The following RAB18 variants were observed in gnomAD, a reference collection of about 807,000 sequenced individuals.
RAB18 encodes ras-related protein Rab-18.
RAB18 carries 10 observed loss-of-function variants against 28.5 expected under a neutral mutation model. The ratio of observed to expected loss-of-function variants is 0.35; its 90% confidence interval spans 0.22 to 0.60. RAB18 has a LOEUF of 0.60. RAB18 is among the 20% of genes least tolerant of loss of function. RAB18 has a pLI of 0.78. For missense variants in RAB18, 188 were observed against 244.2 expected (o/e 0.77, Z 1.53); for synonymous variants, 93 against 86.9 (o/e 1.07, Z -0.39).
At chr10:27,537,817 A>T in intron 6 of RAB18, 59 bp from the exon 7 acceptor site, 1 of 1,459,324 alleles carries the variant, frequency 6.9e-7, no homozygotes, top group Admixed American at 1.7e-5. Flanking sequence ...TCCCAGAAAA[A>T]CATGAGAATA....
chr10:27,506,947 A>C (rs749559360), intron 1 of RAB18, among the ~76,000 whole-genome samples: 2 of 152,208 alleles, frequency 1.3e-5, no homozygotes, highest in Non-Finnish European at 2.9e-5. Context: ...AAAGGATTAC[A>C]TATAGTGAGA....
intron 2 of RAB18, among the ~76,000 whole-genome samples, chr10:27,524,456 A>T (rs545324467): frequency 6.6e-6 from 1 of 152,238 alleles, no homozygotes; most frequent in Admixed American, 6.5e-5. Flanking sequence ...GGCCTTTTTC[A>T]TGAAGGTTAT....
intron 1 of RAB18, among the ~76,000 whole-genome samples, chr10:27,505,685 G>T (rs774683413): frequency 1.6e-4 from 25 of 152,072 alleles, no homozygotes; most frequent in Non-Finnish European, 3.4e-4. Flanking sequence ...TCAGCCTCCC[G>T]AGTAGCTGGG....
At chr10:27,514,071 C>T (rs950552818) in intron 2 of RAB18, 9 of 152,168 alleles carry the variant, frequency 5.9e-5, no homozygotes, top group South Asian at 2.1e-4. Flanking sequence ...CTCTGAATCA[C>T]GAAAAAGTTG....
At chr10:27,505,420 A>G (rs996167086) in intron 1 of RAB18, among the ~76,000 whole-genome samples, 1 of 152,226 alleles carries the variant, frequency 6.6e-6, no homozygotes, top group Non-Finnish European at 1.5e-5. Context: ...TATTTCATAA[A>G]TTGAAATAGC....
intron 2 of RAB18, among the ~76,000 whole-genome samples, chr10:27,519,977 G>A (rs1409207632): frequency 6.6e-6 from 1 of 152,142 alleles, no homozygotes. Context: ...TTCCTAGTTT[G>A]TTGAGTGTTT....
chr10:27,510,313 C>T (rs571672339), intron 2 of RAB18: 4 of 275,574 alleles, frequency 1.5e-5, no homozygotes, highest in African/African-American at 6.7e-5. Flanking sequence ...AACTTGGTCT[C>T]TGTCATCGTG....
intron 2 of RAB18, among the ~76,000 whole-genome samples, chr10:27,522,170 ATC>A (rs1287615633): frequency 6.6e-6 from 1 of 152,154 alleles, no homozygotes; most frequent in East Asian, 1.9e-4. Flanking sequence ...AATAAATAGA[ATC>A]TCTGATGGTT....
Position 27,541,294 on chromosome 10 carries a change from A to G in RAB18, c.*3243A>G. The G allele has an allele frequency of 2.2e-6, 1 of 453,650 alleles. No individual in the cohort carries two copies. Among genetic ancestry groups the G allele is most frequent in the South Asian group, 1.6e-5 (1 of 64,444 alleles). 28.1% of individuals were successfully genotyped at this position (453,650 alleles called of 1,614,324 possible). A position where few individuals can be genotyped will look rare whatever the true frequency, so the allele number is the denominator to read the frequency against. On this transcript the variant is annotated 3_prime_UTR_variant, in exon 7 of 7. Coordinates refer to ENST00000356940, the MANE Select transcript of RAB18 (RefSeq NM_021252.5). The stretch of plus-strand genomic sequence containing the variant: ...AAGACGAGAATAAATAGACATAGAC[A>G]GGCTAGCTAAGTCAAGACTAGGGGC...
intron 2 of RAB18, among the ~76,000 whole-genome samples, chr10:27,520,865 C>T (rs977890441): frequency 3.3e-5 from 4 of 121,402 alleles, no homozygotes; most frequent in Admixed American, 1.1e-4. Context: ...TGCAGTGAGC[C>T]GGTATCGCAC....
intron 2 of RAB18, among the ~76,000 whole-genome samples, chr10:27,519,931 A>G (rs1355640286): frequency 6.6e-6 from 1 of 152,168 alleles, no homozygotes; most frequent in African/African-American, 2.4e-5. Flanking sequence ...GGTTTTTCAT[A>G]TATGGTGTAT....
chr10:27,521,246 A>G (rs893011374), intron 2 of RAB18, among the ~76,000 whole-genome samples: 19 of 152,246 alleles, frequency 1.2e-4, no homozygotes, highest in African/African-American at 3.9e-4. Flanking sequence ...GTATACTTGA[A>G]AAAAATTTGT....
At chr10:27,517,256 G>T (rs762177155) in intron 2 of RAB18, among the ~76,000 whole-genome samples, 1 of 152,058 alleles carries the variant, frequency 6.6e-6, no homozygotes, top group African/African-American at 2.4e-5. Context: ...CCAGCCACTC[G>T]GGAGGCTGAG....
chr10:27,532,625 TTC>T, intron 4 of RAB18, 46 bp downstream of exon 4: 1 of 1,413,652 alleles, frequency 7.1e-7, no homozygotes, highest in African/African-American at 1.4e-5. Flanking sequence ...TTATTGGAGT[TTC>T]TGATTGTCCT....
chr10:27,534,786 A>T (rs1414007841), intron 6 of RAB18, among the ~76,000 whole-genome samples: 1 of 152,238 alleles, frequency 6.6e-6, no homozygotes, highest in African/African-American at 2.4e-5. Context: ...TGGCGTTAGA[A>T]GCTACCAGGA....
At position 27,542,057 on chromosome 10, in the gene RAB18, C is replaced by CT. The variant is rs1403511825; in HGVS notation, c.*4006_*4007insT. On this transcript the variant is annotated 3_prime_UTR_variant, in exon 7 of 7. Coordinates refer to ENST00000356940, the MANE Select transcript of RAB18 (RefSeq NM_021252.5). ...TTGGAGATAGTGTGCTGGGAGGAGT[C>CT]ACATTCTGAACTTGCTGCAGCTCGT... 2.2e-6 allele frequency: 1 copy of CT among 454,038 alleles called. No homozygotes were observed. Among genetic ancestry groups the CT allele is most frequent in the Admixed American group, 2.3e-5 (1 of 42,574 alleles). 28.1% of individuals were successfully genotyped at this position (454,038 alleles called of 1,614,324 possible). A position where few individuals can be genotyped will look rare whatever the true frequency, so the allele number is the denominator to read the frequency against.
intron 6 of RAB18, among the ~76,000 whole-genome samples, chr10:27,535,343 C>G (rs947676418): frequency 6.6e-6 from 1 of 152,096 alleles, no homozygotes; most frequent in Admixed American, 6.5e-5. Context: ...TAATGTGGCC[C>G]AGGGAAACCA....
At chr10:27,510,944 T>C (rs898746387) in intron 2 of RAB18, among the ~76,000 whole-genome samples, 5 of 152,202 alleles carry the variant, frequency 3.3e-5, no homozygotes, top group African/African-American at 1.2e-4. Context: ...TTTGTCACAT[T>C]TGCTTTATCA....
At chr10:27,531,453 A>C in intron 3 of RAB18, 1 of 1,488,324 alleles carries the variant, frequency 6.7e-7, no homozygotes, top group South Asian at 1.4e-5. Flanking sequence ...GTCCCATAAC[A>C]AACCCTCATT....
Sources: gnomAD v4.1 joint callset for allele counts (sites outside exome capture counted in the v4.1 genomes callset) on GRCh38, gnomAD v4.1.1 for gene constraint, MANE v1.5 for transcripts, NCBI Gene and HGNC (gene_info 2026-07-23, HGNC 2026-07-21) for gene names.